The following SPOCK3 variants were observed in gnomAD, a reference collection of about 807,000 sequenced individuals.
The protein encoded by SPOCK3 is SPARC (osteonectin), cwcv and kazal like domains proteoglycan 3, also known as testican-3.
SPOCK3 carries 30 observed loss-of-function variants against 56.6 expected under a neutral mutation model. That is an observed-to-expected ratio of 0.53 (90% CI 0.40 to 0.72). The LOEUF (loss-of-function observed/expected upper bound fraction) is 0.72, where lower values mean the gene tolerates loss of function less well. Ranked by LOEUF, SPOCK3 falls within the 30% of genes least tolerant of loss-of-function variation. The pLI is 0.00. For missense variants in SPOCK3, 527 were observed against 530.0 expected (o/e 0.99, Z 0.06); for synonymous variants, 196 against 183.3 (o/e 1.07, Z -0.56).
intron 5 of SPOCK3, among the ~76,000 whole-genome samples, chr4:166,906,184 T>A (rs569153547): frequency 3.2e-4 from 49 of 152,066 alleles, no homozygotes; most frequent in Non-Finnish European, 6.6e-4. Context: ...AAATTAGACA[T>A]GTGATACAGG....
chr4:166,923,438 A>G (rs1015708014), intron 4 of SPOCK3, among the ~76,000 whole-genome samples: 3 of 152,350 alleles, frequency 2.0e-5, no homozygotes, highest in African/African-American at 7.2e-5. Flanking sequence ...CAACAGGGAG[A>G]ATACTCAGAA....
intron 6 of SPOCK3, among the ~76,000 whole-genome samples, chr4:166,830,230 T>C (rs546355340): frequency 5.3e-5 from 8 of 152,356 alleles, no homozygotes; most frequent in Admixed American, 2.6e-4. Flanking sequence ...TTGGAAACTA[T>C]TATAAGTAAA....
intron 6 of SPOCK3, among the ~76,000 whole-genome samples, chr4:166,849,137 T>C (rs948838415): frequency 7.9e-5 from 12 of 152,190 alleles, no homozygotes; most frequent in African/African-American, 2.9e-4. Flanking sequence ...ATGAGGCATA[T>C]AGTCTTTCAA....
intron 2 of SPOCK3, among the ~76,000 whole-genome samples, chr4:167,139,377 T>C (rs764715438): frequency 4.6e-5 from 7 of 152,060 alleles, no homozygotes; most frequent in Non-Finnish European, 1.0e-4. Context: ...AATGTGTTTA[T>C]AAATATGGCC....
rs148329981 is a variant in SPOCK3 at position 166,801,225 on chromosome 4, C to T, written c.590-8936G>A. Among the ~76,000 whole-genome samples the T allele has an allele frequency of 2.2e-4, 33 of 152,220 alleles. 1 individual carries two copies. The East Asian group carries it at 6.2e-3, about 29-fold the overall frequency. On this transcript the variant is annotated intron_variant, in intron 6 of 10. Transcript: ENST00000357545. ...ATCAACTCAAACATGGGGGTATCAG[C>T]TTCTTTTATAACACCATCAGCTAGT...
chr4:167,026,474 G>A (rs10016366), intron 3 of SPOCK3, among the ~76,000 whole-genome samples: 1,712 of 152,174 alleles, frequency 0.011, 33 homozygotes, highest in African/African-American at 0.039. Context: ...CTGAGACAGA[G>A]AAGACGATGA....
At chr4:167,026,957 T>A (rs1186066359) in intron 3 of SPOCK3, among the ~76,000 whole-genome samples, 1 of 151,884 alleles carries the variant, frequency 6.6e-6, no homozygotes, top group Non-Finnish European at 1.5e-5. Flanking sequence ...TGCAGAATTT[T>A]CTATCCTTAC....
chr4:167,009,605 T>G (rs958344994), intron 3 of SPOCK3, among the ~76,000 whole-genome samples: 10 of 152,028 alleles, frequency 6.6e-5, no homozygotes, highest in South Asian at 2.1e-4. Flanking sequence ...CACCAGCCAG[T>G]GCATACAGAA....
chr4:166,843,821 T>C (rs1407668094), intron 6 of SPOCK3, among the ~76,000 whole-genome samples: 5 of 152,208 alleles, frequency 3.3e-5, no homozygotes, highest in Non-Finnish European at 2.9e-5. Flanking sequence ...CCTTTGTCAA[T>C]GGGATGTTGC....
chr4:166,797,019 A>C (rs909187474), intron 6 of SPOCK3, among the ~76,000 whole-genome samples: 1 of 152,202 alleles, frequency 6.6e-6, no homozygotes. Flanking sequence ...TAGAGACATG[A>C]AAATGACAAT....
At chr4:166,872,028 GCA>G (rs1278184404) in intron 6 of SPOCK3, among the ~76,000 whole-genome samples, 3 of 123,746 alleles carry the variant, frequency 2.4e-5, no homozygotes, top group Non-Finnish European at 1.7e-5. Flanking sequence ...CTAATAAAGG[GCA>G]CACACACACA....
At chr4:166,765,104 A>G (rs9683683) in intron 7 of SPOCK3, among the ~76,000 whole-genome samples, 50,112 of 151,796 alleles carry the variant, frequency 0.33, 8,426 homozygotes, top group Admixed American at 0.42. Context: ...TTGTCAGATG[A>G]GTAGATTGCA....
At chr4:167,107,733 C>A (rs1760290333) in intron 2 of SPOCK3, among the ~76,000 whole-genome samples, 1 of 151,776 alleles carries the variant, frequency 6.6e-6, no homozygotes, top group South Asian at 2.1e-4. Context: ...ATAATTAGGA[C>A]AAATTCGGTA....
At chr4:167,073,674 CACT>C (rs1195815656) in intron 2 of SPOCK3, among the ~76,000 whole-genome samples, 1 of 151,712 alleles carries the variant, frequency 6.6e-6, no homozygotes, top group African/African-American at 2.4e-5. Flanking sequence ...GTTTTGTTCC[CACT>C]GAGTTTTGAT....
intron 2 of SPOCK3, among the ~76,000 whole-genome samples, chr4:167,216,256 C>T (rs1265591517): frequency 1.3e-5 from 2 of 151,864 alleles, no homozygotes; most frequent in African/African-American, 4.8e-5. Context: ...AAAAAAATAC[C>T]GTTTACAGAT....
At chr4:167,123,114 T>C (rs879741217) in intron 2 of SPOCK3, among the ~76,000 whole-genome samples, 1 of 152,038 alleles carries the variant, frequency 6.6e-6, no homozygotes, top group East Asian at 1.9e-4. Context: ...ATCATTTTAG[T>C]CTTCAAGAAG....
At chr4:166,802,077 A>C (rs1365484185) in intron 6 of SPOCK3, among the ~76,000 whole-genome samples, 1 of 152,146 alleles carries the variant, frequency 6.6e-6, no homozygotes, top group Non-Finnish European at 1.5e-5. Context: ...AAATATATCC[A>C]TCACTGTCTT....
chr4:166,792,387 C>A, intron 6 of SPOCK3, 98 bp from the exon 7 acceptor site: 2 of 1,323,454 alleles, frequency 1.5e-6, no homozygotes, highest in South Asian at 1.4e-5. Context: ...GTAAGAACGA[C>A]TAAAAGAAAA....
At chr4:167,150,001 G>A (rs890873175) in intron 2 of SPOCK3, among the ~76,000 whole-genome samples, 1 of 152,000 alleles carries the variant, frequency 6.6e-6, no homozygotes, top group Non-Finnish European at 1.5e-5. Context: ...ATGAAATTGG[G>A]TGATTTGGGG....
Sources: allele counts gnomAD v4.1 joint callset (sites outside exome capture counted in the v4.1 genomes callset), GRCh38; gene constraint gnomAD v4.1.1; transcripts MANE v1.5; gene names NCBI Gene and HGNC (gene_info 2026-07-23, HGNC 2026-07-21).